The following HDAC9 variants were observed in gnomAD, a reference collection of about 807,000 sequenced individuals.
HDAC9 encodes histone deacetylase 9.
A neutral mutation model predicts 139.4 loss-of-function variants in HDAC9; 41 were observed. The ratio of observed to expected loss-of-function variants is 0.29; its 90% CI spans 0.23 to 0.38. The LOEUF is 0.38. Ranked by LOEUF, HDAC9 falls within the 10% of genes least tolerant of loss-of-function variation. HDAC9 has a pLI of 1.00. For missense variants in HDAC9, 1,147 were observed against 1,297.0 expected (o/e 0.88, Z 1.78); for synonymous variants, 517 against 476.2 (o/e 1.09, Z -1.12).
intron 2 of HDAC9, among the ~76,000 whole-genome samples, chr7:18,256,115 G>C (rs567184526): frequency 1.3e-5 from 2 of 151,964 alleles, no homozygotes; most frequent in Non-Finnish European, 2.9e-5. Flanking sequence ...GTTTGCCCCC[G>C]TTTTTAGGTT....
intron 1 of HDAC9, among the ~76,000 whole-genome samples, chr7:18,326,843 A>C (rs1800487151): frequency 6.6e-6 from 1 of 151,974 alleles, no homozygotes; most frequent in Non-Finnish European, 1.5e-5. Flanking sequence ...CAGAGTTAGA[A>C]TTCAGGGGAG....
At chr7:18,406,682 C>T (rs951769040) in intron 1 of HDAC9, among the ~76,000 whole-genome samples, 2 of 152,188 alleles carry the variant, frequency 1.3e-5, no homozygotes, top group African/African-American at 4.8e-5. Flanking sequence ...AGCTGCCATG[C>T]CCGGCCTTCC....
chr7:18,953,107 T>G (rs1782914433), intron 23 of HDAC9, among the ~76,000 whole-genome samples: 2 of 152,052 alleles, frequency 1.3e-5, no homozygotes, highest in Admixed American at 6.6e-5. Flanking sequence ...TTTTAGGTTT[T>G]CCTACAGATG....
chr7:18,648,511 G>C lies in HDAC9; in HGVS notation c.1295G>C (p.Arg432Thr). 6.2e-7 allele frequency: 1 copy of C among 1,613,394 alleles called. No individual in the cohort carries two copies. The highest frequency in any genetic ancestry group is 8.5e-7 in the Non-Finnish European group (1 of 1,179,718). Residue 432 changes from arginine to threonine, a missense_variant, in exon 11 of 26, where the codon AGA becomes ACA. Physicochemically the swap from Arg to Thr is moderately conservative, Grantham distance 71 (BLOSUM62 -1). Coordinates refer to ENST00000686413, the MANE Select transcript of HDAC9 (RefSeq NM_178425.4). ...CAGTCTCCCTTGGCAACAAAAGAGA[G>C]AATTTCACCTGGCATTAGAGGTACC... ...HPQSPLATKERISPGIRGTHK... is the reference protein window; with the variant it reads ...HPQSPLATKETISPGIRGTHK...
intron 2 of HDAC9, among the ~76,000 whole-genome samples, chr7:18,284,671 C>T (rs1474969047): frequency 6.6e-6 from 1 of 152,024 alleles, no homozygotes; most frequent in Non-Finnish European, 1.5e-5. Context: ...TTAGTCTCCC[C>T]ATGTGTAAAT....
chr7:18,874,769 T>C (rs530676044), intron 22 of HDAC9, among the ~76,000 whole-genome samples, 173 bp downstream of exon 22: 27 of 152,316 alleles, frequency 1.8e-4, no homozygotes, highest in Non-Finnish European at 3.4e-4. Flanking sequence ...GAAATTTGCC[T>C]TTAAGAAAAA....
At chr7:18,789,286 G>GCGCACACACACGCACACACACACACA (rs146066951) in intron 16 of HDAC9, among the ~76,000 whole-genome samples, 1 of 148,396 alleles carries the variant, frequency 6.7e-6, no homozygotes, top group African/African-American at 2.5e-5. Flanking sequence ...ACACATACAC[G>GCGCACACACACGCACACACACACACA]CACACACACA....
intron 1 of HDAC9, among the ~76,000 whole-genome samples, chr7:18,396,496 C>T (rs1019613020): frequency 2.6e-5 from 4 of 152,042 alleles, no homozygotes; most frequent in African/African-American, 9.7e-5. Flanking sequence ...TTCCCCCCTC[C>T]CCACCTTCTC....
At chr7:18,356,365 T>TTTTTTTG (rs1783288922) in intron 1 of HDAC9, among the ~76,000 whole-genome samples, 1 of 141,350 alleles carries the variant, frequency 7.1e-6, no homozygotes, top group Non-Finnish European at 1.5e-5. Context: ...TAGGTTTTTT[T>TTTTTTTG]TTTTTTTTTT....
chr7:18,884,064 A>T (rs1292023431), intron 22 of HDAC9, among the ~76,000 whole-genome samples: 2 of 152,200 alleles, frequency 1.3e-5, no homozygotes, highest in Non-Finnish European at 2.9e-5. Context: ...AAGTAAATGG[A>T]GAGATATCCC....
chr7:18,579,802 T>C (rs911602354), intron 2 of HDAC9, among the ~76,000 whole-genome samples: 5 of 152,086 alleles, frequency 3.3e-5, no homozygotes, highest in African/African-American at 1.2e-4. Flanking sequence ...TGTGTGTGTG[T>C]GTGTGTATGT....
intron 1 of HDAC9, among the ~76,000 whole-genome samples, chr7:18,312,327 A>G (rs534027359): frequency 1.3e-5 from 2 of 152,206 alleles, no homozygotes; most frequent in African/African-American, 4.8e-5. Flanking sequence ...TTTCTTGTGT[A>G]GCCTTCCAGA....
intron 1 of HDAC9, among the ~76,000 whole-genome samples, chr7:18,422,269 C>T (rs1789689459): frequency 6.6e-6 from 1 of 152,048 alleles, no homozygotes; most frequent in Admixed American, 6.6e-5. Context: ...TTTGTTGCTT[C>T]ATTTAATCCT....
rs1411499253 is a variant in HDAC9, at chr7:18,998,118, C to T, written c.*2056C>T. The T allele has an allele frequency of 1.3e-5, 2 of 152,046 alleles. No individual in the cohort carries two copies. The highest frequency in any genetic ancestry group is 6.6e-5 in the Admixed American group (1 of 15,260). The allele number at this position is 152,046 out of a possible 1,614,324, so 9.4% of individuals were successfully genotyped here. On this transcript the variant is annotated 3_prime_UTR_variant, in exon 26 of 26. Coordinates refer to ENST00000686413, the MANE Select transcript of HDAC9 (RefSeq NM_178425.4). ...AGCCAAAGGCTTAACAAAAGACTCT[C>T]CCCCATTTTAAAAAGGAAACTCATG...
intron 6 of HDAC9, among the ~76,000 whole-genome samples, chr7:18,604,906 C>G (rs917489432): frequency 2.6e-5 from 4 of 152,054 alleles, no homozygotes; most frequent in Admixed American, 6.6e-5. Context: ...TGAGTCTGGT[C>G]TGATGTTTGC....
intron 24 of HDAC9, among the ~76,000 whole-genome samples, chr7:18,960,480 TAAC>T (rs1783456143): frequency 1.3e-5 from 2 of 152,240 alleles, no homozygotes; most frequent in South Asian, 4.1e-4. Context: ...GTCTTAGAAG[TAAC>T]AACTGATACT....
chr7:18,904,360 C>G (rs893218549), intron 22 of HDAC9, among the ~76,000 whole-genome samples: 2 of 151,998 alleles, frequency 1.3e-5, no homozygotes, highest in African/African-American at 2.4e-5. Flanking sequence ...CAGGGTGCTG[C>G]GTTGCCACTG....
chr7:18,767,958 A>G lies in HDAC9; in HGVS notation c.2214+803A>G, dbSNP rs561918065. On this transcript the variant is annotated intron_variant, in intron 16 of 25. Coordinates refer to ENST00000686413, the MANE Select transcript of HDAC9 (RefSeq NM_178425.4). ...TCACATGTATATCACGTTTTAAACAATTGTTTTGTGAGAACTAAATTTGAT... is the reference window on the plus strand; with the variant it reads ...TCACATGTATATCACGTTTTAAACAGTTGTTTTGTGAGAACTAAATTTGAT... 1.3e-4 allele frequency among the ~76,000 whole-genome samples: 20 copies of G among 152,302 alleles called. No individual in the cohort carries two copies. The South Asian group carries it at 4.1e-3, about 32-fold the overall frequency.
intron 2 of HDAC9, among the ~76,000 whole-genome samples, chr7:18,282,083 A>G (rs1562831421): frequency 6.6e-6 from 1 of 152,160 alleles, no homozygotes; most frequent in Non-Finnish European, 1.5e-5. Context: ...CTACTGTAAG[A>G]AATATTGAAA....
Sources: gnomAD v4.1 joint callset for allele counts (sites outside exome capture counted in the v4.1 genomes callset) on GRCh38, gnomAD v4.1.1 for gene constraint, MANE v1.5 for transcripts, NCBI Gene and HGNC (gene_info 2026-07-23, HGNC 2026-07-21) for gene names.